MYRIP: variants seen among roughly 807,000 people sequenced by gnomAD.
The protein encoded by MYRIP is myosin VIIA and Rab interacting protein.
Under a neutral mutation model 98.0 loss-of-function variants are expected in MYRIP, and 49 were observed. The ratio of observed to expected loss-of-function variants is 0.50; its 90% CI spans 0.40 to 0.63. The LOEUF is 0.63. Ranked by LOEUF, MYRIP falls within the 30% of genes least tolerant of loss-of-function variation. MYRIP has a pLI of 0.00. For missense variants in MYRIP, 1,004 were observed against 1,058.2 expected (o/e 0.95, Z 0.71); for synonymous variants, 404 against 409.5 (o/e 0.99, Z 0.16).
chr3:39,834,512 A>T (rs1048830192), intron 1 of MYRIP, among the ~76,000 whole-genome samples: 3 of 152,200 alleles, frequency 2.0e-5, no homozygotes, highest in Non-Finnish European at 4.4e-5. Flanking sequence ...AAAAAAAGAA[A>T]GAATCTATTG....
chr3:39,925,250 C>T (rs910701010), intron 2 of MYRIP, among the ~76,000 whole-genome samples: 3 of 151,912 alleles, frequency 2.0e-5, no homozygotes, highest in South Asian at 2.1e-4. Context: ...TCAGTATCAC[C>T]GAGGACACAG....
At chr3:39,854,526 C>T (rs1292853406) in intron 1 of MYRIP, among the ~76,000 whole-genome samples, 1 of 152,098 alleles carries the variant, frequency 6.6e-6, no homozygotes, top group Non-Finnish European at 1.5e-5. Context: ...TTCCCTGGAG[C>T]ATTTTTCATC....
chr3:40,120,866 G>C (rs1371283442), intron 3 of MYRIP, among the ~76,000 whole-genome samples: 2 of 152,174 alleles, frequency 1.3e-5, no homozygotes, highest in Admixed American at 1.3e-4. Context: ...GCTAAAGAAA[G>C]GTTATATTCA....
At position 40,137,081 on chromosome 3, in the gene MYRIP, CAATG is replaced by C. The variant is rs1455700058; in HGVS notation, c.333-13963_333-13960del. On this transcript the variant is annotated intron_variant, in intron 3 of 16. Transcript: ENST00000302541. ...AGACACAAAAAACCCTTCAAAAAAT[CAATG>C]AATCCAGTAGCTGGTTTTTTGAAAA... 1.2e-4 allele frequency among the ~76,000 whole-genome samples: 19 copies of C among 152,172 alleles called. No individual in the cohort carries two copies. The South Asian group carries it at 3.9e-3, about 32-fold the overall frequency.
intron 2 of MYRIP, among the ~76,000 whole-genome samples, chr3:39,985,597 T>C (rs1330717127): frequency 2.2e-4 from 30 of 138,920 alleles, no homozygotes; most frequent in Admixed American, 6.5e-4. Context: ...ATGGTACTGG[T>C]ACCAAAACAG....
intron 14 of MYRIP, 26 bp from the exon 15 acceptor site, chr3:40,250,413 T>C (rs1953338192): frequency 6.2e-7 from 1 of 1,613,984 alleles, no homozygotes; most frequent in Non-Finnish European, 8.5e-7. Context: ...TGCAAAGGTA[T>C]ATTGCTCATT....
intron 3 of MYRIP, among the ~76,000 whole-genome samples, chr3:40,144,103 C>T (rs1949964281): frequency 6.6e-6 from 1 of 152,202 alleles, no homozygotes; most frequent in African/African-American, 2.4e-5. Context: ...ATAATAAAAA[C>T]TCAACTCAAA....
intron 3 of MYRIP, among the ~76,000 whole-genome samples, chr3:40,089,485 G>A (rs931092584): frequency 6.6e-6 from 1 of 152,150 alleles, no homozygotes; most frequent in Non-Finnish European, 1.5e-5. Flanking sequence ...TTCCATGCAG[G>A]TTCTTCCAGG....
At chr3:39,965,949 G>A (rs1559540318) in intron 2 of MYRIP, among the ~76,000 whole-genome samples, 1 of 152,084 alleles carries the variant, frequency 6.6e-6, no homozygotes, top group Non-Finnish European at 1.5e-5. Context: ...TCCTTTTGTG[G>A]TTGCAATGAA....
chr3:39,872,868 G>A (rs562095656), intron 1 of MYRIP, among the ~76,000 whole-genome samples: 323 of 152,282 alleles, frequency 2.1e-3, no homozygotes, highest in African/African-American at 6.9e-3. Flanking sequence ...TGGGATGGCT[G>A]GGTCAAATGG....
chr3:40,222,057 A>C (rs1464480547), intron 11 of MYRIP, among the ~76,000 whole-genome samples: 1 of 152,144 alleles, frequency 6.6e-6, no homozygotes, highest in Non-Finnish European at 1.5e-5. Context: ...TTGCCCAGGA[A>C]AGAATTCAAG....
At chr3:39,856,732 A>G (rs552580900) in intron 1 of MYRIP, among the ~76,000 whole-genome samples, 1 of 152,298 alleles carries the variant, frequency 6.6e-6, no homozygotes, top group African/African-American at 2.4e-5. Context: ...TAGATGGTCC[A>G]TCCATCTGAT....
chr3:40,065,182 A>G (rs1948100045), intron 3 of MYRIP, among the ~76,000 whole-genome samples: 1 of 152,180 alleles, frequency 6.6e-6, no homozygotes, highest in Admixed American at 6.5e-5. Flanking sequence ...GCTTGGAGCC[A>G]TGTAACTCTA....
intron 3 of MYRIP, among the ~76,000 whole-genome samples, chr3:40,122,711 CATA>C (rs895985121): frequency 8.6e-5 from 13 of 151,788 alleles, no homozygotes; most frequent in African/African-American, 3.1e-4. Context: ...TTTATAGACA[CATA>C]ATAGTTGTAC....
intron 10 of MYRIP, among the ~76,000 whole-genome samples, chr3:40,196,725 T>C (rs1170499426): frequency 6.6e-6 from 1 of 152,214 alleles, no homozygotes; most frequent in African/African-American, 2.4e-5. Context: ...GTTCTGGGCA[T>C]TAACAAGACA....
chr3:40,185,610 A>G (rs990490794), intron 9 of MYRIP, among the ~76,000 whole-genome samples: 1 of 152,318 alleles, frequency 6.6e-6, no homozygotes, highest in East Asian at 1.9e-4. Flanking sequence ...GTTTTTGCTA[A>G]GAAGTAAAAG....
chr3:40,066,701 T>G (rs1451233346), intron 3 of MYRIP, among the ~76,000 whole-genome samples: 1 of 152,208 alleles, frequency 6.6e-6, no homozygotes, highest in Non-Finnish European at 1.5e-5. Context: ...GGTTCTGTAT[T>G]CCAAGTAATT....
chr3:40,252,298 A>G (rs2125724657), intron 16 of MYRIP, among the ~76,000 whole-genome samples: 1 of 152,334 alleles, frequency 6.6e-6, no homozygotes, highest in Non-Finnish European at 1.5e-5. Flanking sequence ...AAGTCGTAAC[A>G]TGGTAAGTGT....
chr3:40,147,694 G>C (rs1266644821), intron 3 of MYRIP, among the ~76,000 whole-genome samples: 1 of 152,150 alleles, frequency 6.6e-6, no homozygotes, highest in Non-Finnish European at 1.5e-5. Context: ...TTCTTGAGCT[G>C]TTTTTGGTTT....
Sources: gnomAD v4.1 joint callset for allele counts (sites outside exome capture counted in the v4.1 genomes callset) on GRCh38, gnomAD v4.1.1 for gene constraint, MANE v1.5 for transcripts, NCBI Gene and HGNC (gene_info 2026-07-23, HGNC 2026-07-21) for gene names.